CDK5RAP2: variants seen among roughly 807,000 people sequenced by gnomAD.
CDK5RAP2 encodes CDK5 regulatory subunit-associated protein 2.
Under a neutral mutation model 232.9 loss-of-function variants are expected in CDK5RAP2, and 147 were observed. That is an observed-to-expected ratio of 0.63 (90% CI 0.55 to 0.72). CDK5RAP2 has a LOEUF of 0.72. Ranked by LOEUF, CDK5RAP2 falls within the 30% of genes least tolerant of loss-of-function variation. The pLI is 0.00. For synonymous variants in CDK5RAP2, 833 were observed against 833.7 expected (o/e 1.00, Z 0.01); for missense variants, 2,195 against 2,231.5 (o/e 0.98, Z 0.33).
At chr9:120,538,876 T>C (rs2041506767) in intron 6 of CDK5RAP2, among the ~76,000 whole-genome samples, 165 bp downstream of exon 6, 1 of 152,186 alleles carries the variant, frequency 6.6e-6, no homozygotes, top group African/African-American at 2.4e-5. Flanking sequence ...TTATAAATTA[T>C]ACATATAAAA....
At chr9:120,432,007 G>A (rs1242807043) in intron 25 of CDK5RAP2, among the ~76,000 whole-genome samples, 1 of 152,178 alleles carries the variant, frequency 6.6e-6, no homozygotes, top group African/African-American at 2.4e-5. Context: ...GGAGCCAAGG[G>A]AGAGTCCCCT....
At chr9:120,535,779 T>G (rs2041359367) in intron 7 of CDK5RAP2, among the ~76,000 whole-genome samples, 1 of 152,224 alleles carries the variant, frequency 6.6e-6, no homozygotes, top group African/African-American at 2.4e-5. Flanking sequence ...AAGGCACCCA[T>G]TTTATCGTGG....
At chr9:120,512,629 T>C (rs2040147596) in intron 12 of CDK5RAP2, among the ~76,000 whole-genome samples, 1 of 152,196 alleles carries the variant, frequency 6.6e-6, no homozygotes, top group African/African-American at 2.4e-5. Flanking sequence ...CACAGTATTC[T>C]CAACATAATT....
chr9:120,444,224 G>A, intron 22 of CDK5RAP2, among the ~76,000 whole-genome samples: 1 of 152,142 alleles, frequency 6.6e-6, no homozygotes, highest in East Asian at 1.9e-4. Flanking sequence ...GACCAGCCTG[G>A]GCAATATAGC....
intron 18 of CDK5RAP2, among the ~76,000 whole-genome samples, chr9:120,466,610 T>C (rs1195392612): frequency 1.3e-5 from 2 of 152,174 alleles, no homozygotes; most frequent in African/African-American, 4.8e-5. Context: ...ATGAAGTTGG[T>C]GAAGAATGCT....
chr9:120,518,441 C>T lies in CDK5RAP2; in HGVS notation c.1297G>A (p.Asp433Asn). 1 of 1,613,628 alleles carries T rather than the reference C, an allele frequency of 6.2e-7. No individual in the cohort carries two copies. Among genetic ancestry groups the T allele is most frequent in the Non-Finnish European group, 8.5e-7 (1 of 1,179,942 alleles). The change falls in exon 12 of 38, where the codon GAC (aspartate) becomes AAC (asparagine). Residue 433 changes from aspartate (D) to asparagine (N), a missense_variant. By Grantham distance (23) the Asp-to-Asn change is conservative. Coordinates refer to ENST00000349780, the MANE Select transcript of CDK5RAP2 (RefSeq NM_018249.6). ...GCGGTACTCACACGGATGGTGCAGT[C>T]TCCTTTGCTCTTCTCTCGATGGGCT... ...EEAHREKSKG[D>N]CTIRDLRNEV...
intron 5 of CDK5RAP2, 107 bp downstream of exon 5, chr9:120,545,600 GCAGTCCT>G (rs2041808155): frequency 2.4e-6 from 2 of 816,376 alleles, no homozygotes; most frequent in African/African-American, 3.4e-5. Flanking sequence ...AAACCTCCTT[GCAGTCCT>G]CAGAGTCCAG....
At chr9:120,570,318 A>G (rs556971363) in intron 2 of CDK5RAP2, among the ~76,000 whole-genome samples, 1 of 152,198 alleles carries the variant, frequency 6.6e-6, no homozygotes, top group African/African-American at 2.4e-5. Context: ...CTCCGCTCCA[A>G]TATCAATTTC....
chr9:120,555,657 CA>C (rs963140407), intron 3 of CDK5RAP2, among the ~76,000 whole-genome samples: 1 of 151,680 alleles, frequency 6.6e-6, no homozygotes, highest in African/African-American at 2.4e-5. Flanking sequence ...CAATTTCTTG[CA>C]AAAAAAACTA....
At chr9:120,531,225 T>C (rs1215402324) in intron 7 of CDK5RAP2, among the ~76,000 whole-genome samples, 1 of 151,984 alleles carries the variant, frequency 6.6e-6, no homozygotes, top group Admixed American at 6.6e-5. Flanking sequence ...CCTTTGCTCG[T>C]GCTATTCCTT....
intron 35 of CDK5RAP2, among the ~76,000 whole-genome samples, chr9:120,396,330 G>GTC (rs2032460208): frequency 6.6e-6 from 1 of 152,240 alleles, no homozygotes; most frequent in Non-Finnish European, 1.5e-5. Flanking sequence ...CCAGGACAAA[G>GTC]TCTCTCTACA....
chr9:120,528,039 C>T (rs1214135554), intron 9 of CDK5RAP2, 114 bp from the exon 10 acceptor site: 3 of 1,388,630 alleles, frequency 2.2e-6, no homozygotes, highest in African/African-American at 2.8e-5. Context: ...TTCCTGTCAA[C>T]CTGTGATTAA....
intron 25 of CDK5RAP2, among the ~76,000 whole-genome samples, chr9:120,435,472 C>T (rs2035524695): frequency 1.2e-5 from 1 of 80,860 alleles, no homozygotes; most frequent in South Asian, 3.7e-4. Flanking sequence ...TACACATTTA[C>T]ACACACACAC....
chr9:120,489,313 A>G (rs2038770557), intron 13 of CDK5RAP2, among the ~76,000 whole-genome samples: 1 of 152,188 alleles, frequency 6.6e-6, no homozygotes, highest in African/African-American at 2.4e-5. Context: ...TCAAAATGAC[A>G]CACCATGGGG....
At chr9:120,433,871 G>C (rs761780963) in intron 25 of CDK5RAP2, among the ~76,000 whole-genome samples, 30 of 152,150 alleles carry the variant, frequency 2.0e-4, no homozygotes, top group Non-Finnish European at 2.9e-5. Context: ...TAGATTCACT[G>C]ACTCACTCAC....
chr9:120,494,285 T>C (rs1404467483), intron 12 of CDK5RAP2, among the ~76,000 whole-genome samples: 1 of 152,150 alleles, frequency 6.6e-6, no homozygotes, highest in East Asian at 1.9e-4. Flanking sequence ...CCAGTAGTAA[T>C]GAGGATACCT....
At chr9:120,480,302 A>G (rs1205837024) in intron 14 of CDK5RAP2, among the ~76,000 whole-genome samples, 1 of 152,176 alleles carries the variant, frequency 6.6e-6, no homozygotes, top group African/African-American at 2.4e-5. Flanking sequence ...TGAGCAAGGG[A>G]AAAAAATTAC....
At chr9:120,469,067 T>C (rs1564262295) in intron 17 of CDK5RAP2, among the ~76,000 whole-genome samples, 3 of 152,310 alleles carry the variant, frequency 2.0e-5, no homozygotes, top group South Asian at 2.1e-4. Context: ...TAGCAGCAGC[T>C]ATTATCATCT....
chr9:120,453,994 G>C (rs960893604), intron 20 of CDK5RAP2, 121 bp from the exon 21 acceptor site: 20 of 997,042 alleles, frequency 2.0e-5, no homozygotes, highest in Non-Finnish European at 2.7e-5. Context: ...ACTAAATACA[G>C]TGTGTACCCA....
Sources: allele counts gnomAD v4.1 joint callset (sites outside exome capture counted in the v4.1 genomes callset), GRCh38; gene constraint gnomAD v4.1.1; transcripts MANE v1.5; gene names NCBI Gene and HGNC (gene_info 2026-07-23, HGNC 2026-07-21).